NRK: variants seen among roughly 807,000 people sequenced by gnomAD.
NRK encodes the protein Nik related kinase.
In NRK, 67 loss-of-function variants were observed where a neutral mutation model predicts 125.2. The observed-to-expected ratio is 0.54, with a 90% CI of 0.44 to 0.66. The LOEUF is 0.66. Among genes scored for constraint, NRK ranks in the 30% least tolerant of loss-of-function variants. The pLI is 0.00. For synonymous variants in NRK, 458 were observed against 429.0 expected (o/e 1.07, Z -0.84); for missense variants, 1,224 against 1,192.9 (o/e 1.03, Z -0.38).
intron 1 of NRK, among the ~76,000 whole-genome samples, chrX:105,829,224 T>C (rs1289027195): frequency 8.9e-6 from 1 of 112,278 alleles, no homozygotes; most frequent in East Asian, 2.8e-4. Context: ...AGTTGAATAC[T>C]TATTGAATGA....
intron 1 of NRK, among the ~76,000 whole-genome samples, chrX:105,830,314 CAAAAAAAAAAAAAAAAAA>C (rs71932033): frequency 2.7e-4 from 3 of 11,051 alleles, no homozygotes; most frequent in Middle Eastern, 0.077. Flanking sequence ...AACTCCGTCG[CAAAAAAAAAAAAAAAAAA>C]AAAAAAAAAA....
intron 23 of NRK, among the ~76,000 whole-genome samples, chrX:105,941,472 GA>G (rs1322897738): frequency 9.2e-6 from 1 of 108,843 alleles, no homozygotes; most frequent in Non-Finnish European, 1.9e-5. Flanking sequence ...ATTATTGGAG[GA>G]TTAGTAATCA....
At chrX:105,919,392 A>G (rs149584922) in intron 16 of NRK, among the ~76,000 whole-genome samples, 1,739 of 111,742 alleles carry the variant, frequency 0.016, 35 homozygotes, top group African/African-American at 0.053. Context: ...TGTATTTTAA[A>G]TGGAAATATT....
intron 19 of NRK, among the ~76,000 whole-genome samples, chrX:105,926,928 T>G (rs1458216533): frequency 9.0e-6 from 1 of 111,513 alleles, no homozygotes; most frequent in East Asian, 2.8e-4. Flanking sequence ...GCCTCTAGTA[T>G]TATTCTTTTT....
At chrX:105,854,796 C>A (rs187924546) in intron 2 of NRK, among the ~76,000 whole-genome samples, 1 of 111,751 alleles carries the variant, frequency 8.9e-6, no homozygotes, top group Admixed American at 9.5e-5. Context: ...TAGTGTATTA[C>A]CGTAAGCATG....
chrX:105,908,268 A>G lies in NRK; in HGVS notation c.1050A>G (p.Glu350=). 9.0e-7 allele frequency: 1 copy of G among 1,107,857 alleles called. No individual in the cohort carries two copies. The highest frequency in any genetic ancestry group is 1.2e-6 in the Non-Finnish European group (1 of 826,814). The allele number at this position is 1,107,857 out of a possible 1,213,427, so 91.3% of individuals were successfully genotyped here. The part of the protein sequence containing the change: ...KGIPLIFERE[E]AIKEQYTVRR... ...TACCTTTGATCTTTGAAAGAGAAGAAGCTATTAAGGAACAGTACACCGTGA... is the reference window on the plus strand; with the variant it reads ...TACCTTTGATCTTTGAAAGAGAAGAGGCTATTAAGGAACAGTACACCGTGA... Residue 350 remains glutamate, a synonymous_variant, in exon 12 of 29, where the codon GAA becomes GAG. Coordinates refer to ENST00000243300, the MANE Select transcript of NRK (RefSeq NM_198465.4).
intron 19 of NRK, among the ~76,000 whole-genome samples, chrX:105,927,408 T>C (rs1261461394): frequency 4.5e-5 from 5 of 111,633 alleles, no homozygotes; most frequent in Non-Finnish European, 7.6e-5. Context: ...ATTTATAAGA[T>C]CATGTCATCT....
chrX:105,851,627 G>T (rs2039472628), intron 2 of NRK, among the ~76,000 whole-genome samples: 1 of 111,868 alleles, frequency 8.9e-6, no homozygotes, highest in Non-Finnish European at 1.9e-5. Context: ...CACATGGCAG[G>T]TAAATTATTT....
chrX:105,938,462 T>A (rs1367622060), intron 22 of NRK, among the ~76,000 whole-genome samples: 2 of 112,136 alleles, frequency 1.8e-5, no homozygotes, highest in Non-Finnish European at 3.8e-5. Context: ...ACTTCATGAT[T>A]TTTTAAATCA....
Position 105,909,581 on chromosome X carries a change from T to C in NRK, c.1940T>C (p.Leu647Ser). ...QALIEGLSRDLLRAPNSNNSK... is the reference protein window; with the variant it reads ...QALIEGLSRDSLRAPNSNNSK... ...CTGATAGAGGGACTATCAAGAGACT[T>C]GCTTCGGGCACCAAACTCAAATAAC... is the stretch of plus-strand genomic sequence containing the variant. The change falls in exon 13 of 29, where the codon TTG (leucine) becomes TCG (serine). Residue 647 changes from leucine to serine, a missense_variant. Coordinates refer to ENST00000243300, the MANE Select transcript of NRK (RefSeq NM_198465.4). The C allele has an allele frequency of 1.7e-6, 2 of 1,206,377 alleles. No individual in the cohort carries two copies. Among genetic ancestry groups the C allele is most frequent in the Non-Finnish European group, 2.2e-6 (2 of 892,388 alleles).
intron 5 of NRK, 82 bp from the exon 6 acceptor site, chrX:105,893,750 A>T: frequency 1.8e-6 from 1 of 569,970 alleles, no homozygotes. Context: ...ACATATAGAT[A>T]CAAGCCATAT....
At chrX:105,941,980 AG>A (rs1471696056) in intron 23 of NRK, among the ~76,000 whole-genome samples, 1 of 111,218 alleles carries the variant, frequency 9.0e-6, no homozygotes, top group African/African-American at 3.3e-5. Context: ...ATGGTTACCT[AG>A]GACTTTCTTT....
chrX:105,938,994 T>C (rs375005699), intron 22 of NRK, among the ~76,000 whole-genome samples: 5 of 110,651 alleles, frequency 4.5e-5, no homozygotes, highest in African/African-American at 1.7e-4. Flanking sequence ...CTCAATATCA[T>C]GAGAAAAGCA....
At chrX:105,886,524 AC>A (rs1229604553) in intron 4 of NRK, among the ~76,000 whole-genome samples, 4 of 103,399 alleles carry the variant, frequency 3.9e-5, no homozygotes, top group South Asian at 4.2e-4. Context: ...ATATATATAT[AC>A]GTGTGTGTGT....
chrX:105,876,259 G>C (rs2039814912), intron 2 of NRK, among the ~76,000 whole-genome samples: 2 of 110,924 alleles, frequency 1.8e-5, no homozygotes, highest in Admixed American at 1.9e-4. Flanking sequence ...TTTACTAAAA[G>C]AGTAAATTTT....
chrX:105,872,447 C>G (rs2039759662), intron 2 of NRK, among the ~76,000 whole-genome samples: 1 of 111,789 alleles, frequency 8.9e-6, no homozygotes, highest in African/African-American at 3.3e-5. Context: ...TACATCTCCT[C>G]TTTGGGCAAT....
In NRK at chrX:105,934,405, T is replaced by C; in HGVS notation, c.3460T>C (p.Ser1154Pro). ...CAATCACTCATCTCCTTCCAAAGGT[T>C]CTGGGATGTCTGCTGATGCTAACTT... is the stretch of plus-strand genomic sequence containing the variant. Reference protein sequence around the residue: ...SANHSSPSKGSGMSADANFAS... With the variant: ...SANHSSPSKGPGMSADANFAS... Residue 1154 changes from serine (S) to proline (P), a missense_variant, in exon 20 of 29, where the codon TCT becomes CCT. Coordinates refer to ENST00000243300, the MANE Select transcript of NRK (RefSeq NM_198465.4). 8.3e-7 allele frequency: 1 copy of C among 1,203,018 alleles called. No homozygotes were observed. The highest frequency in any genetic ancestry group is 1.1e-6 in the Non-Finnish European group (1 of 889,885).
Position 105,822,831 on chromosome X carries a change from C to T in NRK, c.-15C>T. ...CCCAATTCAGTCGCCCGCTCCCGTT[C>T]GGCTCCTCGAAGCCATGGCGGGACC... On this transcript the variant is annotated 5_prime_UTR_variant, in exon 1 of 29. Coordinates refer to ENST00000243300, the MANE Select transcript of NRK (RefSeq NM_198465.4). The T allele has an allele frequency of 1.7e-6, 2 of 1,167,889 alleles. No homozygotes were observed. Among genetic ancestry groups the T allele is most frequent in the Non-Finnish European group, 2.3e-6 (2 of 871,817 alleles).
intron 2 of NRK, among the ~76,000 whole-genome samples, chrX:105,848,032 A>G (rs762822852): frequency 8.9e-6 from 1 of 112,383 alleles, no homozygotes; most frequent in Non-Finnish European, 1.9e-5. Context: ...TAGCATTGCA[A>G]GTGGACAAAT....
Sources: gnomAD v4.1 joint callset for allele counts (sites outside exome capture counted in the v4.1 genomes callset) on GRCh38, gnomAD v4.1.1 for gene constraint, MANE v1.5 for transcripts, NCBI Gene and HGNC (gene_info 2026-07-23, HGNC 2026-07-21) for gene names.